IGFBP7: variants seen among roughly 807,000 people sequenced by gnomAD.
IGFBP7 encodes insulin like growth factor binding protein 7, also known as insulin-like growth factor-binding protein 7.
IGFBP7 carries 31 observed loss-of-function variants against 29.4 expected under a neutral mutation model. The observed-to-expected ratio is 1.05, with a 90% CI of 0.79 to 1.42. IGFBP7 has a LOEUF of 1.42. Ranked by LOEUF, IGFBP7 falls within the 40% of genes most tolerant of loss-of-function variation. The pLI is 0.00. For synonymous variants in IGFBP7, 172 were observed against 174.9 expected (o/e 0.98, Z 0.13); for missense variants, 393 against 395.5 (o/e 0.99, Z 0.05).
At chr4:57,078,113 C>T (rs977068651) in intron 1 of IGFBP7, among the ~76,000 whole-genome samples, 2 of 152,206 alleles carry the variant, frequency 1.3e-5, no homozygotes, top group South Asian at 2.1e-4. Flanking sequence ...ATTCCTGCCA[C>T]GCACCACCCA....
In IGFBP7 at chr4:57,040,918, G is replaced by A. The variant is rs372546968; in HGVS notation, c.491C>T (p.Thr164Met). 12 of 1,613,442 alleles carry A rather than the reference G, an allele frequency of 7.4e-6. No homozygotes were observed. The highest frequency in any genetic ancestry group is 3.3e-5 in the South Asian group (3 of 91,030). ...GTCEQGPSIV[T>M]PPKDIWNVTG... Reference sequence around the variant, plus strand: ...GACATTCCAGATGTCCTTGGGGGGCGTCACTATGGAAGGACCTGCAGGAGA... The same window carrying A: ...GACATTCCAGATGTCCTTGGGGGGCATCACTATGGAAGGACCTGCAGGAGA... Residue 164 changes from threonine (T) to methionine (M), a missense_variant, in exon 2 of 5, where the codon ACG (threonine) becomes ATG (methionine). By Grantham distance (81) the Thr-to-Met change is moderately conservative. Transcript: ENST00000295666.
chr4:57,103,109 C>A (rs1486163004), intron 1 of IGFBP7, among the ~76,000 whole-genome samples: 1 of 152,146 alleles, frequency 6.6e-6, no homozygotes. Flanking sequence ...AGGCTGGGAA[C>A]CCAGATTTGA....
At chr4:57,082,389 T>G (rs906293355) in intron 1 of IGFBP7, among the ~76,000 whole-genome samples, 1 of 152,186 alleles carries the variant, frequency 6.6e-6, no homozygotes, top group Non-Finnish European at 1.5e-5. Context: ...GGAGTTGCCA[T>G]GTTTGAAATC....
intron 1 of IGFBP7, among the ~76,000 whole-genome samples, chr4:57,069,811 G>A (rs7697699): frequency 0.12 from 18,858 of 152,158 alleles, 1,309 homozygotes; most frequent in East Asian, 0.23. Context: ...GGTCAGGTGC[G>A]GTGGCTCCCT....
At chr4:57,044,907 G>C (rs1434561276) in intron 1 of IGFBP7, among the ~76,000 whole-genome samples, 1 of 152,094 alleles carries the variant, frequency 6.6e-6, no homozygotes, top group African/African-American at 2.4e-5. Context: ...ACAGAGTCTT[G>C]CTATGTTGAC....
At chr4:57,099,716 G>C (rs1289916779) in intron 1 of IGFBP7, among the ~76,000 whole-genome samples, 1 of 152,150 alleles carries the variant, frequency 6.6e-6, no homozygotes, top group African/African-American at 2.4e-5. Flanking sequence ...GATTGCAACT[G>C]AAAGGTTGGG....
chr4:57,035,576 T>C lies in IGFBP7; in HGVS notation c.586-2265A>G, dbSNP rs138877493. 2.5e-3 allele frequency among the ~76,000 whole-genome samples: 381 copies of C among 152,304 alleles called. 1 individual carries two copies. Among genetic ancestry groups the C allele is most frequent in the African/African-American group, 8.8e-3 (366 of 41,564 alleles). ...CCGGGATTCCAGTGATTCTCCTGCC[T>C]CAGCTTCCCGAGTAGCTGGGATTAC... On this transcript the variant is annotated intron_variant, in intron 2 of 4. Transcript: ENST00000295666.
At chr4:57,061,992 A>AT (rs1724811442) in intron 1 of IGFBP7, among the ~76,000 whole-genome samples, 1 of 152,130 alleles carries the variant, frequency 6.6e-6, no homozygotes, top group Admixed American at 6.5e-5. Flanking sequence ...CCATTACTTC[A>AT]TTTTGTTTTT....
intron 1 of IGFBP7, among the ~76,000 whole-genome samples, chr4:57,043,827 C>G (rs1724288372): frequency 6.6e-6 from 1 of 152,154 alleles, no homozygotes; most frequent in African/African-American, 2.4e-5. Context: ...TGCAGCAATA[C>G]AGAACCCTGC....
intron 1 of IGFBP7, among the ~76,000 whole-genome samples, chr4:57,046,165 T>C (rs1339784618): frequency 6.6e-6 from 1 of 152,136 alleles, no homozygotes; most frequent in Non-Finnish European, 1.5e-5. Context: ...AGAGAAGAGA[T>C]GCTGAAAATG....
chr4:57,106,293 C>T (rs761821917), intron 1 of IGFBP7, among the ~76,000 whole-genome samples: 6 of 152,040 alleles, frequency 3.9e-5, no homozygotes, highest in Non-Finnish European at 7.4e-5. Flanking sequence ...GGCGACATAC[C>T]TCACACATGT....
intron 1 of IGFBP7, among the ~76,000 whole-genome samples, chr4:57,083,093 AC>A (rs1377615558): frequency 6.6e-6 from 1 of 152,176 alleles, no homozygotes; most frequent in African/African-American, 2.4e-5. Context: ...CTATATACAA[AC>A]TATGATACAA....
chr4:57,071,000 A>G (rs1020678723), intron 1 of IGFBP7, among the ~76,000 whole-genome samples: 1 of 152,176 alleles, frequency 6.6e-6, no homozygotes, highest in Non-Finnish European at 1.5e-5. Context: ...ATTGCACACT[A>G]CTTCATATTT....
chr4:57,084,720 G>T lies in IGFBP7; in HGVS notation c.475+25157C>A, dbSNP rs372212913. Among the ~76,000 whole-genome samples the T allele has an allele frequency of 2.6e-3, 384 of 149,652 alleles. 1 individual carries two copies. The highest frequency in any genetic ancestry group is 8.9e-3 in the African/African-American group (361 of 40,772). ...GTGGTAAAATCAGGGGCTGTCAAAT[G>T]ATCTGATGATAATGTAATCTTTTCC... On this transcript the variant is annotated intron_variant, in intron 1 of 4. Transcript: ENST00000295666.
chr4:57,053,404 AG>A (rs1724563523), intron 1 of IGFBP7, among the ~76,000 whole-genome samples: 1 of 152,172 alleles, frequency 6.6e-6, no homozygotes, highest in Non-Finnish European at 1.5e-5. Flanking sequence ...GTCTGACTCC[AG>A]GGTGTGGTTC....
intron 1 of IGFBP7, among the ~76,000 whole-genome samples, chr4:57,061,840 AAAAT>A (rs1189112695): frequency 6.6e-6 from 1 of 152,116 alleles, no homozygotes; most frequent in Non-Finnish European, 1.5e-5. Context: ...TACTTTTTTA[AAAAT>A]AATGAGATAG....
At chr4:57,086,163 G>T (rs1184593065) in intron 1 of IGFBP7, among the ~76,000 whole-genome samples, 4 of 152,182 alleles carry the variant, frequency 2.6e-5, no homozygotes, top group Non-Finnish European at 5.9e-5. Context: ...AGCATGCAGA[G>T]GGGAACTGCC....
intron 2 of IGFBP7, among the ~76,000 whole-genome samples, chr4:57,040,413 G>A (rs2109742943): frequency 6.6e-6 from 1 of 152,282 alleles, no homozygotes; most frequent in African/African-American, 2.4e-5. Context: ...CTTGGTGGGG[G>A]CTTGGAGGTG....
chr4:57,054,109 T>C (rs1162568963), intron 1 of IGFBP7, among the ~76,000 whole-genome samples: 1 of 152,094 alleles, frequency 6.6e-6, no homozygotes, highest in Non-Finnish European at 1.5e-5. Flanking sequence ...CTCAGCCTCC[T>C]GAGTGGCTGA....
Sources: allele counts gnomAD v4.1 joint callset (sites outside exome capture counted in the v4.1 genomes callset), GRCh38; gene constraint gnomAD v4.1.1; transcripts MANE v1.5; gene names NCBI Gene and HGNC (gene_info 2026-07-23, HGNC 2026-07-21).